The following SPIRE1 variants were observed in gnomAD, a reference collection of about 807,000 sequenced individuals.
SPIRE1 encodes spire type actin nucleation factor 1.
A neutral mutation model predicts 94.1 loss-of-function variants in SPIRE1; 40 were observed. The observed-to-expected ratio is 0.43, with a 90% CI of 0.33 to 0.55. SPIRE1 has a LOEUF of 0.55. Among genes scored for constraint, SPIRE1 ranks in the 20% least tolerant of loss-of-function variants. SPIRE1 has a pLI of 0.06. For synonymous variants in SPIRE1, 376 were observed against 371.7 expected, an observed-to-expected ratio of 1.01 and a Z score of -0.13; for missense variants, 838 against 975.2, an observed-to-expected ratio of 0.86 and a Z score of 1.87.
chr18:12,453,522 C>T (rs2031349279), intron 13 of SPIRE1, among the ~76,000 whole-genome samples: 1 of 151,800 alleles, frequency 6.6e-6, no homozygotes, highest in Non-Finnish European at 1.5e-5. Flanking sequence ...CAAGCTCCGC[C>T]TCCTGGGTTC....
rs188956227 is a variant in SPIRE1, at chr18:12,540,175, G to A, written c.604-4574C>T. Among the ~76,000 whole-genome samples the A allele has an allele frequency of 2.6e-3, 391 of 152,130 alleles. 1 individual carries two copies. Among genetic ancestry groups the A allele is most frequent in the African/African-American group, 9.0e-3 (374 of 41,482 alleles). ...CTCTTCAGTGTTCCTCAAGTCCTTC[G>A]TCATCTAGCTCACACCTACCTCTCA... On this transcript the variant is annotated intron_variant, in intron 3 of 16. Transcript: ENST00000409402.
intron 2 of SPIRE1, among the ~76,000 whole-genome samples, chr18:12,600,856 A>G (rs939802948): frequency 4.0e-5 from 4 of 99,806 alleles, no homozygotes; most frequent in Non-Finnish European, 5.2e-5. Flanking sequence ...TCCAGAGTAC[A>G]AGGACCACAG....
At chr18:12,495,629 C>T (rs28489282) in intron 7 of SPIRE1, among the ~76,000 whole-genome samples, 15 of 152,314 alleles carry the variant, frequency 9.8e-5, no homozygotes, top group African/African-American at 3.6e-4. Context: ...TGGCTCATGT[C>T]TGTAATCCCA....
At chr18:12,604,977 A>C (rs1398862209) in intron 2 of SPIRE1, among the ~76,000 whole-genome samples, 1 of 152,228 alleles carries the variant, frequency 6.6e-6, no homozygotes, top group African/African-American at 2.4e-5. Flanking sequence ...CATTATGCTA[A>C]ACGAAATAAG....
In SPIRE1 at chr18:12,449,566, A is replaced by G; in HGVS notation, c.*72T>C. On this transcript the variant is annotated 3_prime_UTR_variant, in exon 17 of 17. Coordinates refer to ENST00000409402, the MANE Select transcript of SPIRE1 (RefSeq NM_001128626.2). The stretch of plus-strand genomic sequence containing the variant: ...CATTAAATAAAACCACAGAAAGGAG[A>G]GCCAGCCCGGCTCAGTGTCCTCGCG... 1 of 1,482,706 alleles carries G rather than the reference A, an allele frequency of 6.7e-7. No homozygotes were observed. The highest frequency in any genetic ancestry group is 9.1e-7 in the Non-Finnish European group (1 of 1,102,218). The allele number at this position is 1,482,706 out of a possible 1,614,324, so 91.8% of individuals were successfully genotyped here. A position where few individuals can be genotyped will look rare whatever the true frequency, so the allele number is the denominator to read the frequency against.
At chr18:12,508,394 G>C (rs1438481013) in intron 5 of SPIRE1, among the ~76,000 whole-genome samples, 1 of 152,008 alleles carries the variant, frequency 6.6e-6, no homozygotes, top group Non-Finnish European at 1.5e-5. Context: ...AGGTACTTAT[G>C]GTGTACCATT....
chr18:12,650,635 G>A (rs184131468), intron 1 of SPIRE1, among the ~76,000 whole-genome samples: 29 of 151,050 alleles, frequency 1.9e-4, no homozygotes, highest in African/African-American at 5.8e-4. Flanking sequence ...GCTTGAACCC[G>A]GGAGGCAGAG....
At chr18:12,617,159 ATTTT>A (rs60768224) in intron 2 of SPIRE1, among the ~76,000 whole-genome samples, 53,895 of 137,486 alleles carry the variant, frequency 0.39, 10,622 homozygotes, top group East Asian at 0.59. Flanking sequence ...CATGCTCACT[ATTTT>A]TTTTTTTTTT....
At chr18:12,626,462 T>C (rs1031540797) in intron 2 of SPIRE1, among the ~76,000 whole-genome samples, 2 of 152,116 alleles carry the variant, frequency 1.3e-5, no homozygotes, top group African/African-American at 2.4e-5. Flanking sequence ...ATCTAAGAGG[T>C]TGAAGGTTCA....
At chr18:12,482,841 T>TA (rs1343684378) in intron 9 of SPIRE1, among the ~76,000 whole-genome samples, 1 of 151,888 alleles carries the variant, frequency 6.6e-6, no homozygotes, top group Non-Finnish European at 1.5e-5. Flanking sequence ...AAAACTGAAT[T>TA]AATAAAAAAC....
chr18:12,482,591 G>A (rs544543233), intron 9 of SPIRE1, among the ~76,000 whole-genome samples: 5 of 152,064 alleles, frequency 3.3e-5, no homozygotes, highest in South Asian at 2.1e-4. Flanking sequence ...TAATAGTACC[G>A]GGGCACTTAA....
At chr18:12,594,146 G>C (rs1212425078) in intron 2 of SPIRE1, among the ~76,000 whole-genome samples, 2 of 152,100 alleles carry the variant, frequency 1.3e-5, no homozygotes, top group Admixed American at 6.6e-5. Flanking sequence ...AGTAGGAAAT[G>C]TGTTATGGGC....
intron 4 of SPIRE1, among the ~76,000 whole-genome samples, chr18:12,518,560 G>A (rs554333316): frequency 6.6e-6 from 1 of 151,802 alleles, no homozygotes; most frequent in Non-Finnish European, 1.5e-5. Flanking sequence ...TCTCATGCCT[G>A]TAGTCCCAAC....
chr18:12,566,494 T>A (rs1380921155), intron 2 of SPIRE1, among the ~76,000 whole-genome samples: 1 of 152,192 alleles, frequency 6.6e-6, no homozygotes, highest in Non-Finnish European at 1.5e-5. Flanking sequence ...GTCTAATAGC[T>A]AACAGTTTGT....
intron 14 of SPIRE1, chr18:12,452,729 T>C: frequency 1.6e-6 from 1 of 616,048 alleles, no homozygotes; most frequent in Non-Finnish European, 2.9e-6. Flanking sequence ...TCAACTTACA[T>C]GTGTTTGGAA....
At position 12,479,861 on chromosome 18, in the gene SPIRE1, G is replaced by A. The variant is rs768886423; in HGVS notation, c.1242C>T (p.Thr414=). 6.2e-7 allele frequency: 1 copy of A among 1,612,688 alleles called. No homozygotes were observed. Among genetic ancestry groups the A allele is most frequent in the Non-Finnish European group, 8.5e-7 (1 of 1,179,644 alleles). The change falls in exon 10 of 17, where the codon ACC becomes ACT. Residue 414 remains threonine (T), a synonymous_variant. Transcript: ENST00000409402. The stretch of plus-strand genomic sequence containing the variant: ...CCACAAGATTCTTTGTAGATTCAGG[G>A]GTAGTCACATCTGGTAAAAAAGCAA... The part of the protein sequence containing the change: ...SYSFDLSDVT[T]PESTKNLVES...
intron 2 of SPIRE1, among the ~76,000 whole-genome samples, chr18:12,548,546 A>G (rs1489438967): frequency 6.6e-6 from 1 of 151,908 alleles, no homozygotes; most frequent in Non-Finnish European, 1.5e-5. Flanking sequence ...TACTGAAAAC[A>G]TGTAATATTT....
intron 3 of SPIRE1, among the ~76,000 whole-genome samples, chr18:12,540,178 A>C (rs2034973288): frequency 6.6e-6 from 1 of 152,076 alleles, no homozygotes. Flanking sequence ...GTCCTTCGTC[A>C]TCTAGCTCAC....
chr18:12,567,148 A>G (rs369777274), intron 2 of SPIRE1, among the ~76,000 whole-genome samples: 45 of 152,324 alleles, frequency 3.0e-4, no homozygotes, highest in African/African-American at 1.0e-3. Flanking sequence ...GTTAATATAC[A>G]AAAGTCAATC....
Sources: allele counts gnomAD v4.1 joint callset (sites outside exome capture counted in the v4.1 genomes callset), GRCh38; gene constraint gnomAD v4.1.1; transcripts MANE v1.5; gene names NCBI Gene and HGNC (gene_info 2026-07-23, HGNC 2026-07-21).